Variants in CHMP1A observed in about 807,000 individuals in gnomAD.
CHMP1A encodes the protein charged multivesicular body protein 1A.
Under a neutral mutation model 27.0 loss-of-function variants are expected in CHMP1A, and 17 were observed. The ratio of observed to expected loss-of-function variants is 0.63; its 90% CI spans 0.43 to 0.95. The LOEUF is 0.95. Ranked by LOEUF, CHMP1A falls within the 40% of genes least tolerant of loss-of-function variation. The pLI is 0.00. For missense variants in CHMP1A, 275 were observed against 264.0 expected, an observed-to-expected ratio of 1.04 and a Z score of -0.29; for synonymous variants, 131 against 107.5, an observed-to-expected ratio of 1.22 and a Z score of -1.35.
chr16:89,644,685 C>A lies in CHMP1A; in HGVS notation c.*1381G>T, dbSNP rs970956704. On this transcript the variant is annotated 3_prime_UTR_variant, in exon 7 of 7. Coordinates refer to ENST00000397901, the MANE Select transcript of CHMP1A (RefSeq NM_002768.5). ...ACCAACACTAGCCCCTCCCTGGGGG[C>A]TCCCAAGTTCTGAAAAGAAAACCAA... is the stretch of plus-strand genomic sequence containing the variant. The A allele has an allele frequency of 6.6e-6, 1 of 152,286 alleles. No homozygotes were observed. The highest frequency in any genetic ancestry group is 2.1e-4 in the South Asian group (1 of 4,834). 9.4% of individuals were successfully genotyped at this position (152,286 alleles called of 1,614,324 possible). A position where few individuals can be genotyped will look rare whatever the true frequency, so the allele number is the denominator to read the frequency against.
At chr16:89,649,181 A>T in intron 4 of CHMP1A, 170 bp downstream of exon 4, 1 of 248,412 alleles carries the variant, frequency 4.0e-6, no homozygotes. Flanking sequence ...CCCCACGCTG[A>T]TCCAGCCCTC....
chr16:89,646,892 A>ACCCAGCCCCCCCC, intron 5 of CHMP1A, 178 bp from the exon 6 acceptor site: 1 of 236,870 alleles, frequency 4.2e-6, no homozygotes, highest in East Asian at 8.6e-5. Flanking sequence ...CTGCCCCCCC[A>ACCCAGCCCCCCCC]CCCAGCCCCA....
intron 2 of CHMP1A, 81 bp downstream of exon 2, chr16:89,653,823 T>A: frequency 5.6e-6 from 8 of 1,423,208 alleles, no homozygotes; most frequent in Non-Finnish European, 7.0e-6. Context: ...CCCGACTGTT[T>A]CTGTGGCTCT....
rs376164382 is a variant in CHMP1A, at chr16:89,649,313, C to T, written c.252+38G>A. ...CAGAGCCCATTCCTGCTTCAGCCAG[C>T]GAACGCCACCCATCCAGCACCAGGG... On this transcript the variant is annotated intron_variant, in intron 4 of 6. Transcript: ENST00000397901. 8.1e-6 allele frequency: 13 copies of T among 1,596,438 alleles called. No individual in the cohort carries two copies. In the East Asian group the frequency reaches 9.0e-5, roughly 11 times the overall value.
At chr16:89,656,092 C>G (rs946896143) in intron 1 of CHMP1A, among the ~76,000 whole-genome samples, 1 of 152,192 alleles carries the variant, frequency 6.6e-6, no homozygotes, top group African/African-American at 2.4e-5. Context: ...TACACATTTC[C>G]TTCATGATGA....
chr16:89,648,618 G>C (rs538355910), intron 4 of CHMP1A, among the ~76,000 whole-genome samples: 3 of 152,162 alleles, frequency 2.0e-5, no homozygotes, highest in Non-Finnish European at 2.9e-5. Flanking sequence ...CAGTGACAGT[G>C]AGTGGTTCAC....
Position 89,645,843 on chromosome 16 carries a change from C to A in CHMP1A, c.*223G>T. The A allele has an allele frequency of 6.9e-7, 1 of 1,456,806 alleles. No homozygotes were observed. Among genetic ancestry groups the A allele is most frequent in the Non-Finnish European group, 9.2e-7 (1 of 1,083,634 alleles). The allele number at this position is 1,456,806 out of a possible 1,614,324, so 90.2% of individuals were successfully genotyped here. Reference sequence around the variant, plus strand: ...GTGGGCCCAGAGTCACAGAAATCACCCCCAGAAATTTGCAGAAACTCAACA... The same window carrying A: ...GTGGGCCCAGAGTCACAGAAATCACACCCAGAAATTTGCAGAAACTCAACA... On this transcript the variant is annotated 3_prime_UTR_variant, in exon 7 of 7. Coordinates refer to ENST00000397901, the MANE Select transcript of CHMP1A (RefSeq NM_002768.5).
chr16:89,648,670 T>A (rs148248107), intron 4 of CHMP1A, among the ~76,000 whole-genome samples: 1 of 152,000 alleles, frequency 6.6e-6, no homozygotes, highest in African/African-American at 2.4e-5. Flanking sequence ...GTGGGAAGAT[T>A]GCTTGAGGCC....
intron 3 of CHMP1A, chr16:89,649,699 C>A: frequency 1.7e-6 from 1 of 584,368 alleles, no homozygotes; most frequent in East Asian, 3.3e-5. Flanking sequence ...CCTCAGCCTC[C>A]CGAGTAGTTG....
intron 1 of CHMP1A, among the ~76,000 whole-genome samples, chr16:89,654,276 G>C (rs1411695850): frequency 6.6e-6 from 1 of 152,226 alleles, no homozygotes; most frequent in East Asian, 1.9e-4. Flanking sequence ...AAAGATGGTG[G>C]TTTATAATTA....
chr16:89,645,605 T>A lies in CHMP1A; in HGVS notation c.*461A>T, dbSNP rs561154837. On this transcript the variant is annotated 3_prime_UTR_variant, in exon 7 of 7. Transcript: ENST00000397901. The stretch of plus-strand genomic sequence containing the variant: ...GGCACCTGACATCCCCCAGCACACA[T>A]AGACCTGTGGTGCCTCCTTGGGCTA... 53 of 273,774 alleles carry A rather than the reference T, an allele frequency of 1.9e-4. No individual in the cohort carries two copies. Among genetic ancestry groups the A allele is most frequent in the African/African-American group, 1.1e-3 (46 of 42,990 alleles). The allele number at this position is 273,774 out of a possible 1,614,324, so 17.0% of individuals were successfully genotyped here.
rs761800739 is a variant in CHMP1A at position 89,647,314 on chromosome 16, G to T, written c.270C>A (p.Ala90=). The change falls in exon 5 of 7, where the codon GCC becomes GCA. Residue 90 remains alanine, a synonymous_variant. Coordinates refer to ENST00000397901, the MANE Select transcript of CHMP1A (RefSeq NM_002768.5). ...CCTTGTCCAGGGCTTTGGTCACCTG[G>T]GCCATATTCTTGGTCACCTGAGACA... The part of the protein sequence containing the change: ...VTMKGVTKNM[A]QVTKALDKAL... 3.3e-5 allele frequency: 53 copies of T among 1,609,506 alleles called. No homozygotes were observed. The highest frequency in any genetic ancestry group is 4.4e-5 in the Non-Finnish European group (52 of 1,176,786).
rs1248292851 is a variant in CHMP1A at position 89,651,554 on chromosome 16, C to T, written c.105+15G>A. On this transcript the variant is annotated intron_variant, in intron 3 of 6. Transcript: ENST00000397901. ...AACCAGGAGAGTCATGACCCCACAG[C>T]CCCCAGGGTCTCACCTTCTTCACTT... 4.3e-6 allele frequency: 7 copies of T among 1,612,014 alleles called. No individual in the cohort carries two copies. Among genetic ancestry groups the T allele is most frequent in the Middle Eastern group, 1.6e-4 (1 of 6,072 alleles).
intron 2 of CHMP1A, among the ~76,000 whole-genome samples, chr16:89,652,763 G>C (rs1023701537): frequency 2.6e-5 from 4 of 152,092 alleles, no homozygotes; most frequent in Non-Finnish European, 5.9e-5. Context: ...AGCTGCATAC[G>C]GTAGCTCCGG....
At chr16:89,652,140 G>C (rs139190480) in intron 2 of CHMP1A, among the ~76,000 whole-genome samples, 6 of 152,362 alleles carry the variant, frequency 3.9e-5, no homozygotes, top group Non-Finnish European at 8.8e-5. Context: ...AGCACAAGCA[G>C]CTTCCGGGGA....
intron 3 of CHMP1A, 105 bp from the exon 4 acceptor site, chr16:89,649,602 G>A: frequency 1.4e-6 from 2 of 1,382,032 alleles, no homozygotes; most frequent in Non-Finnish European, 2.0e-6. Context: ...TTGAGACGGA[G>A]TCTTGCTCTG....
chr16:89,649,903 C>T (rs1255801790), intron 3 of CHMP1A, among the ~76,000 whole-genome samples: 1 of 151,870 alleles, frequency 6.6e-6, no homozygotes, highest in East Asian at 1.9e-4. Flanking sequence ...AGGCGGTGGG[C>T]GGGCCTCTCC....
rs202170255 is a variant in CHMP1A at position 89,647,565 on chromosome 16, G to C, written c.253-234C>G. On this transcript the variant is annotated intron_variant, in intron 4 of 6. Transcript: ENST00000397901. ...GTGGAGAAAAGGCCGCCGACGTGGAGACCCAGTGCGGGGTCAGTGGAGAAA... is the reference window on the plus strand; with the variant it reads ...GTGGAGAAAAGGCCGCCGACGTGGACACCCAGTGCGGGGTCAGTGGAGAAA... Among the ~76,000 whole-genome samples, 2,049 of 142,852 alleles carry C rather than the reference G, an allele frequency of 0.014. 29 individuals are homozygous for C. Among genetic ancestry groups the C allele is most frequent in the African/African-American group, 0.053 (1,892 of 35,748 alleles). The allele number at this position is 142,852 out of a possible 152,430, so 93.7% of individuals were successfully genotyped here. A position where few individuals can be genotyped will look rare whatever the true frequency, so the allele number is the denominator to read the frequency against.
At chr16:89,655,068 A>C (rs1411700008) in intron 1 of CHMP1A, among the ~76,000 whole-genome samples, 1 of 152,206 alleles carries the variant, frequency 6.6e-6, no homozygotes, top group Non-Finnish European at 1.5e-5. Context: ...AGCCACAACG[A>C]GGAAATGGAG....
Sources: gnomAD v4.1 joint callset for allele counts (sites outside exome capture counted in the v4.1 genomes callset) on GRCh38, gnomAD v4.1.1 for gene constraint, MANE v1.5 for transcripts, NCBI Gene and HGNC (gene_info 2026-07-23, HGNC 2026-07-21) for gene names.